Variants in LRP1B observed in about 807,000 individuals in gnomAD.
The protein encoded by LRP1B is low-density lipoprotein receptor-related protein 1B.
In LRP1B, 217 loss-of-function variants were observed where a neutral mutation model predicts 556.6. The ratio of observed to expected loss-of-function variants is 0.39; its 90% CI spans 0.35 to 0.44. LRP1B has a LOEUF of 0.44. LRP1B is among the 20% of genes least tolerant of loss of function. LRP1B has a pLI of 1.00. For missense variants in LRP1B, 5,053 were observed against 5,620.8 expected (o/e 0.90, Z 3.23); for synonymous variants, 2,047 against 1,865.8 (o/e 1.10, Z -2.50).
At chr2:140,299,936 A>G (rs1470843149) in intron 83 of LRP1B, among the ~76,000 whole-genome samples, 1 of 152,130 alleles carries the variant, frequency 6.6e-6, no homozygotes, top group Non-Finnish European at 1.5e-5. Flanking sequence ...TGTTTCCTAT[A>G]TGTGTTTTTC....
At chr2:141,424,818 C>T (rs1680293526) in intron 3 of LRP1B, among the ~76,000 whole-genome samples, 1 of 152,134 alleles carries the variant, frequency 6.6e-6, no homozygotes, top group South Asian at 2.1e-4. Flanking sequence ...ATGCACATTC[C>T]TATGGCACTA....
intron 42 of LRP1B, among the ~76,000 whole-genome samples, chr2:140,601,249 G>C (rs900318022): frequency 1.3e-5 from 2 of 151,776 alleles, no homozygotes; most frequent in African/African-American, 4.8e-5. Context: ...GATCTCTCAG[G>C]AAGATGAAGC....
intron 76 of LRP1B, among the ~76,000 whole-genome samples, chr2:140,351,386 T>C (rs555140408): frequency 1.6e-4 from 25 of 152,206 alleles, no homozygotes; most frequent in Non-Finnish European, 3.2e-4. Context: ...TACTATGTTG[T>C]ATACTCATTA....
intron 2 of LRP1B, among the ~76,000 whole-genome samples, chr2:141,696,957 A>T (rs1170053686): frequency 6.6e-6 from 1 of 151,954 alleles, no homozygotes; most frequent in Non-Finnish European, 1.5e-5. Flanking sequence ...ATGTAATAAT[A>T]ATCTTTTGTG....
At position 141,510,421 on chromosome 2, in the gene LRP1B, A is replaced by G. The variant is rs1334889197; in HGVS notation, c.206-29888T>C. 8.5e-5 allele frequency among the ~76,000 whole-genome samples: 13 copies of G among 152,106 alleles called. 1 individual carries two copies. Among genetic ancestry groups the G allele is most frequent in the Admixed American group, 8.5e-4 (13 of 15,256 alleles). On this transcript the variant is annotated intron_variant, in intron 2 of 90. Coordinates refer to ENST00000389484, the MANE Select transcript of LRP1B (RefSeq NM_018557.3). ...ATATCTTCCAGTTCCAATCTCAGCA[A>G]AACAATGATTTTTTAAAATCCTAAG...
At chr2:141,373,293 G>A (rs926263520) in intron 3 of LRP1B, among the ~76,000 whole-genome samples, 2 of 151,974 alleles carry the variant, frequency 1.3e-5, no homozygotes, top group Admixed American at 1.3e-4. Flanking sequence ...AATGTTCCAC[G>A]TGCTAACGAA....
intron 25 of LRP1B, among the ~76,000 whole-genome samples, chr2:140,873,667 T>C (rs1345399558): frequency 1.3e-5 from 2 of 151,922 alleles, no homozygotes; most frequent in East Asian, 3.8e-4. Context: ...TAAAATAAAA[T>C]AATTAGGTAA....
At position 141,421,547 on chromosome 2, in the gene LRP1B, T is replaced by G. The variant is rs943954816; in HGVS notation, c.343+58849A>C. Among the ~76,000 whole-genome samples the G allele has an allele frequency of 6.6e-4, 98 of 148,084 alleles. 1 individual carries two copies. Among genetic ancestry groups the G allele is most frequent in the African/African-American group, 2.3e-3 (93 of 41,086 alleles). On this transcript the variant is annotated intron_variant, in intron 3 of 90. Coordinates refer to ENST00000389484, the MANE Select transcript of LRP1B (RefSeq NM_018557.3). ...CTGTCTCAAAAAAAAAAAAAAAAATTTACCTCTTTCATATGTATTAAAATA... is the reference window on the plus strand; with the variant it reads ...CTGTCTCAAAAAAAAAAAAAAAAATGTACCTCTTTCATATGTATTAAAATA...
chr2:141,561,802 T>C (rs973552064), intron 2 of LRP1B, among the ~76,000 whole-genome samples: 5 of 151,636 alleles, frequency 3.3e-5, no homozygotes, highest in East Asian at 1.9e-4. Flanking sequence ...GTTTGTCTTA[T>C]CTAGAATTTT....
intron 31 of LRP1B, among the ~76,000 whole-genome samples, chr2:140,838,558 A>T (rs1691994504): frequency 1.3e-5 from 2 of 152,178 alleles, no homozygotes; most frequent in South Asian, 4.1e-4. Context: ...TTGAATCATC[A>T]CTATGAAAAA....
At chr2:141,163,934 T>C (rs1219073240) in intron 7 of LRP1B, among the ~76,000 whole-genome samples, 1 of 152,134 alleles carries the variant, frequency 6.6e-6, no homozygotes, top group Non-Finnish European at 1.5e-5. Context: ...GGATATATTC[T>C]TTAAGACCTT....
chr2:140,262,986 C>G (rs1682017711), intron 86 of LRP1B, among the ~76,000 whole-genome samples: 2 of 152,142 alleles, frequency 1.3e-5, no homozygotes, highest in Admixed American at 1.3e-4. Context: ...TGCAGTGAAG[C>G]AATCACAGCT....
intron 49 of LRP1B, among the ~76,000 whole-genome samples, chr2:140,524,971 T>C (rs1359273210): frequency 6.6e-6 from 1 of 151,936 alleles, no homozygotes; most frequent in Non-Finnish European, 1.5e-5. Context: ...ATATACATGA[T>C]AAAAGAACCA....
At chr2:141,377,063 T>C (rs1573875385) in intron 3 of LRP1B, among the ~76,000 whole-genome samples, 1 of 152,320 alleles carries the variant, frequency 6.6e-6, no homozygotes, top group East Asian at 1.9e-4. Context: ...CGGGTGTTTC[T>C]ATCTGTCTTT....
chr2:140,666,512 C>T (rs1685281581), intron 41 of LRP1B, among the ~76,000 whole-genome samples: 1 of 151,890 alleles, frequency 6.6e-6, no homozygotes, highest in South Asian at 2.1e-4. Flanking sequence ...TGTCACTTGG[C>T]CCAGGATTAA....
intron 2 of LRP1B, among the ~76,000 whole-genome samples, chr2:141,620,072 C>T (rs1381858907): frequency 2.0e-5 from 3 of 152,192 alleles, no homozygotes; most frequent in Non-Finnish European, 4.4e-5. Context: ...CCCACCTTGG[C>T]CTCCTGAGTA....
intron 31 of LRP1B, among the ~76,000 whole-genome samples, chr2:140,817,984 G>A (rs1168580344): frequency 3.9e-5 from 6 of 152,072 alleles, no homozygotes; most frequent in Non-Finnish European, 1.5e-5. Flanking sequence ...GTTTGGGCTG[G>A]TCCTGGGCCT....
At chr2:141,617,833 A>G (rs1471983649) in intron 2 of LRP1B, among the ~76,000 whole-genome samples, 2 of 152,222 alleles carry the variant, frequency 1.3e-5, no homozygotes, top group Non-Finnish European at 2.9e-5. Context: ...AAAAACTCCC[A>G]TGTATACAAG....
chr2:140,809,855 T>C (rs1430870645), intron 32 of LRP1B, among the ~76,000 whole-genome samples: 1 of 152,120 alleles, frequency 6.6e-6, no homozygotes. Flanking sequence ...AGTGTCCTCA[T>C]AACATGTCAG....
Sources: gnomAD v4.1 joint callset for allele counts (sites outside exome capture counted in the v4.1 genomes callset) on GRCh38, gnomAD v4.1.1 for gene constraint, MANE v1.5 for transcripts, NCBI Gene and HGNC (gene_info 2026-07-23, HGNC 2026-07-21) for gene names.